Variants in DMC1 observed in about 807,000 individuals in gnomAD.
The protein encoded by DMC1 is DNA meiotic recombinase 1.
Under a neutral mutation model 50.1 loss-of-function variants are expected in DMC1, and 27 were observed. The observed-to-expected ratio is 0.54, with a 90% CI of 0.40 to 0.74. The LOEUF (loss-of-function observed/expected upper bound fraction) is 0.74. Ranked by LOEUF, DMC1 falls within the 30% of genes least tolerant of loss-of-function variation. The pLI is 0.00. For synonymous variants in DMC1, 148 were observed against 136.1 expected (o/e 1.09, Z -0.61); for missense variants, 295 against 420.2 (o/e 0.70, Z 2.60).
intron 4 of DMC1, among the ~76,000 whole-genome samples, chr22:38,565,445 C>T (rs1317150996): frequency 1.3e-5 from 2 of 152,200 alleles, no homozygotes; most frequent in Non-Finnish European, 2.9e-5. Flanking sequence ...ACCCAATGAC[C>T]CAGAAATTAC....
intron 8 of DMC1, among the ~76,000 whole-genome samples, chr22:38,542,959 C>T (rs374430175): frequency 3.0e-4 from 46 of 152,238 alleles, no homozygotes; most frequent in Middle Eastern, 3.4e-3. Flanking sequence ...GGAGAAAGGA[C>T]GGTCTCTTCA....
chr22:38,555,814 C>T lies in DMC1; in HGVS notation c.327-405G>A, dbSNP rs867429574. 3.0e-4 allele frequency among the ~76,000 whole-genome samples: 46 copies of T among 151,282 alleles called. No individual in the cohort carries two copies. In the Middle Eastern group the frequency reaches 0.014, roughly 45 times the overall value. On this transcript the variant is annotated intron_variant, in intron 5 of 13. Coordinates refer to ENST00000216024, the MANE Select transcript of DMC1 (RefSeq NM_007068.4). Reference sequence around the variant, plus strand: ...TTAGAATTGAATTGGAGTTACAGATCGTCTTAATTATTATTATTATTATTT... The same window carrying T: ...TTAGAATTGAATTGGAGTTACAGATTGTCTTAATTATTATTATTATTATTT...
chr22:38,511,704 C>T, the DMC1 span, among the ~76,000 whole-genome samples: 1 of 151,798 alleles, frequency 6.6e-6, no homozygotes, highest in African/African-American at 2.4e-5. Context: ...TAGGCTCAAG[C>T]GATCCTCACG....
chr22:38,556,344 T>C (rs977964977), intron 5 of DMC1, among the ~76,000 whole-genome samples: 15 of 152,196 alleles, frequency 9.9e-5, no homozygotes, highest in Non-Finnish European at 8.8e-5. Context: ...TCTGCCCACC[T>C]TGGCCTTCCA....
Position 38,568,309 on chromosome 22 carries a change from T to C in DMC1, c.-33-20A>G, listed in dbSNP as rs2090602251. On this transcript the variant is annotated intron_variant, in intron 1 of 13. Coordinates refer to ENST00000216024, the MANE Select transcript of DMC1 (RefSeq NM_007068.4). Reference sequence around the variant, plus strand: ...TCACTTCTGGGAAAATAAGAAATATTATGTAAGAAGTAGTCCTTTGTCCAG... The same window carrying C: ...TCACTTCTGGGAAAATAAGAAATATCATGTAAGAAGTAGTCCTTTGTCCAG... 1.3e-6 allele frequency: 2 copies of C among 1,581,148 alleles called. No homozygotes were observed. Among genetic ancestry groups the C allele is most frequent in the Admixed American group, 3.3e-5 (2 of 59,928 alleles).
At chr22:38,540,779 G>T (rs2145878135) in intron 8 of DMC1, among the ~76,000 whole-genome samples, 1 of 152,246 alleles carries the variant, frequency 6.6e-6, no homozygotes, top group East Asian at 1.9e-4. Flanking sequence ...AGTTAGACAG[G>T]GAATTGGAAG....
rs767781951 is a variant in DMC1, at chr22:38,538,274, C to T, written c.775+21G>A. 3.9e-5 allele frequency: 61 copies of T among 1,582,666 alleles called. No homozygotes were observed. In the East Asian group the frequency reaches 6.5e-4, roughly 17 times the overall value. On this transcript the variant is annotated intron_variant, in intron 11 of 13. Coordinates refer to ENST00000216024, the MANE Select transcript of DMC1 (RefSeq NM_007068.4). ...ACTTGACAAACATAGTCACAGATGCCATTTTATTTTAAAGATATACCTTCT... is the reference window on the plus strand; with the variant it reads ...ACTTGACAAACATAGTCACAGATGCTATTTTATTTTAAAGATATACCTTCT...
At chr22:38,569,098 C>T (rs998216337) in intron 1 of DMC1, among the ~76,000 whole-genome samples, 2 of 150,924 alleles carry the variant, frequency 1.3e-5, no homozygotes, top group Non-Finnish European at 2.9e-5. Context: ...GCAGGAGAAT[C>T]GCTTGAACCT....
intron 8 of DMC1, among the ~76,000 whole-genome samples, chr22:38,542,672 A>C (rs2090297413): frequency 6.6e-6 from 1 of 152,178 alleles, no homozygotes; most frequent in Non-Finnish European, 1.5e-5. Flanking sequence ...TCAAAATACC[A>C]ATGACATTCT....
At chr22:38,517,475 A>G (rs1374518371), downstream of DMC1, among the ~76,000 whole-genome samples, 1 of 152,172 alleles carries the variant, frequency 6.6e-6, no homozygotes, top group East Asian at 1.9e-4. Flanking sequence ...AGGCTGAGGC[A>G]GGAGAATCGC....
chr22:38,567,872 C>T (rs920214605), intron 2 of DMC1, among the ~76,000 whole-genome samples: 1 of 152,194 alleles, frequency 6.6e-6, no homozygotes, highest in South Asian at 2.1e-4. Flanking sequence ...ACCCAAAGGA[C>T]TGGAACAACA....
At chr22:38,559,079 G>T (rs779447046) in intron 5 of DMC1, among the ~76,000 whole-genome samples, 4 of 151,976 alleles carry the variant, frequency 2.6e-5, no homozygotes, top group Non-Finnish European at 5.9e-5. Context: ...GCCCAGGCTG[G>T]AGTGCAGTGG....
chr22:38,543,865 A>G (rs1299123305), intron 8 of DMC1, among the ~76,000 whole-genome samples: 2 of 152,102 alleles, frequency 1.3e-5, no homozygotes, highest in Admixed American at 6.6e-5. Flanking sequence ...ACTCCGACTC[A>G]TAACCCTGCT....
chr22:38,520,460 C>G (rs989934947), intron 13 of DMC1, among the ~76,000 whole-genome samples: 32 of 152,008 alleles, frequency 2.1e-4, no homozygotes, highest in African/African-American at 7.7e-4. Flanking sequence ...TGGGTTCAAG[C>G]CATTCTCCTG....
At chr22:38,531,791 C>G (rs187065223) in intron 12 of DMC1, among the ~76,000 whole-genome samples, 3 of 152,274 alleles carry the variant, frequency 2.0e-5, no homozygotes, top group African/African-American at 7.2e-5. Flanking sequence ...TTGTCTAGCA[C>G]TTTACTTAGC....
chr22:38,525,742 A>T (rs1354134861), intron 12 of DMC1, among the ~76,000 whole-genome samples: 2 of 152,096 alleles, frequency 1.3e-5, no homozygotes, highest in African/African-American at 4.8e-5. Flanking sequence ...GGAGTTCAAG[A>T]CCAGTCTGGA....
chr22:38,566,104 G>A (rs572879710), intron 4 of DMC1, among the ~76,000 whole-genome samples: 4 of 152,138 alleles, frequency 2.6e-5, no homozygotes, highest in East Asian at 1.9e-4. Flanking sequence ...GTGAAACCTC[G>A]TCTCTACTAA....
chr22:38,534,500 C>T (rs537870177), intron 12 of DMC1, among the ~76,000 whole-genome samples: 3 of 151,964 alleles, frequency 2.0e-5, no homozygotes, highest in East Asian at 2.0e-4. Context: ...GTCAGGAGTT[C>T]GAGACCAGCC....
intron 5 of DMC1, among the ~76,000 whole-genome samples, chr22:38,560,864 T>C (rs2090519858): frequency 6.6e-6 from 1 of 152,158 alleles, no homozygotes; most frequent in Non-Finnish European, 1.5e-5. Flanking sequence ...TCCCTTCCCA[T>C]ATTATTTTAA....
Sources: gnomAD v4.1 joint callset for allele counts (sites outside exome capture counted in the v4.1 genomes callset) on GRCh38, gnomAD v4.1.1 for gene constraint, MANE v1.5 for transcripts, NCBI Gene and HGNC (gene_info 2026-07-23, HGNC 2026-07-21) for gene names.